SLC8A1: variants seen among roughly 807,000 people sequenced by gnomAD.
SLC8A1 encodes the protein solute carrier family 8 member A1.
A neutral mutation model predicts 68.3 loss-of-function variants in SLC8A1; 18 were observed. That is an observed-to-expected ratio of 0.26 (90% CI 0.18 to 0.39). SLC8A1 has a LOEUF of 0.39. Ranked by LOEUF, SLC8A1 falls within the 10% of genes least tolerant of loss-of-function variation. The pLI, the probability that SLC8A1 is intolerant of heterozygous loss-of-function variation, is 1.00. For missense variants in SLC8A1, 985 were observed against 1,156.7 expected, an observed-to-expected ratio of 0.85 and a Z score of 2.15; for synonymous variants, 475 against 415.5, an observed-to-expected ratio of 1.14 and a Z score of -1.74.
chr2:40,343,407 A>G (rs1668310123), intron 2 of SLC8A1, among the ~76,000 whole-genome samples: 1 of 152,100 alleles, frequency 6.6e-6, no homozygotes, highest in South Asian at 2.1e-4. Flanking sequence ...TGGAATTCTA[A>G]GAAGTCACTT....
At chr2:40,331,718 C>T (rs576201544) in intron 2 of SLC8A1, among the ~76,000 whole-genome samples, 2 of 151,928 alleles carry the variant, frequency 1.3e-5, no homozygotes, top group African/African-American at 2.4e-5. Context: ...CTTAGCCTAC[C>T]GAGTAGCTGG....
At chr2:40,215,404 G>A (rs918997655) in intron 2 of SLC8A1, among the ~76,000 whole-genome samples, 4 of 152,044 alleles carry the variant, frequency 2.6e-5, no homozygotes, top group South Asian at 4.1e-4. Context: ...TTGGGAGGCC[G>A]AGGCGGGTGG....
chr2:40,412,822 AT>A (rs1331520139), intron 2 of SLC8A1, among the ~76,000 whole-genome samples: 1 of 152,168 alleles, frequency 6.6e-6, no homozygotes, highest in Admixed American at 6.6e-5. Flanking sequence ...ATTGATGGAT[AT>A]TTTTGGTATT....
chr2:40,415,548 C>G (rs1473922829), intron 2 of SLC8A1, among the ~76,000 whole-genome samples: 1 of 152,218 alleles, frequency 6.6e-6, no homozygotes, highest in Non-Finnish European at 1.5e-5. Flanking sequence ...CTATCTGTCT[C>G]CATTCCAGCA....
chr2:40,150,879 C>G (rs1259136622), intron 6 of SLC8A1, among the ~76,000 whole-genome samples: 2 of 152,120 alleles, frequency 1.3e-5, no homozygotes, highest in Admixed American at 1.3e-4. Flanking sequence ...CTACCTGATT[C>G]AACATTTTCT....
Position 40,390,720 on chromosome 2 carries a change from A to G in SLC8A1, c.1808+37753T>C, listed in dbSNP as rs528220045. ...GGCTTCTGCCATGTTTTTTTTAACA[A>G]CCCGATATGTAACTTTTGTCCCAGC... On this transcript the variant is annotated intron_variant, in intron 2 of 7. Coordinates refer to ENST00000406785, the Ensembl canonical transcript of SLC8A1. Among the ~76,000 whole-genome samples the G allele has an allele frequency of 2.3e-4, 35 of 152,202 alleles. 2 individuals are homozygous for G. The highest frequency in any genetic ancestry group is 8.2e-4 in the African/African-American group (34 of 41,556).
At chr2:40,385,437 A>G (rs10189274) in intron 2 of SLC8A1, among the ~76,000 whole-genome samples, 110,191 of 150,730 alleles carry the variant, frequency 0.73, 41,780 homozygotes, top group African/African-American at 0.93. Flanking sequence ...CATTTTTCAA[A>G]GTATCTGTTT....
upstream of SLC8A1, among the ~76,000 whole-genome samples, chr2:40,456,546 AT>A (rs368487168): frequency 1.3e-3 from 197 of 152,238 alleles, 2 homozygotes; most frequent in African/African-American, 4.5e-3. Context: ...TCTGTGTTAG[AT>A]TTTTCAGATC....
chr2:40,196,123 G>C (rs1332741109), intron 2 of SLC8A1, among the ~76,000 whole-genome samples: 1 of 151,856 alleles, frequency 6.6e-6, no homozygotes, highest in African/African-American at 2.4e-5. Flanking sequence ...GTCACAGTTT[G>C]GGCTGAGAGG....
At chr2:40,351,815 G>T (rs531985740) in intron 2 of SLC8A1, among the ~76,000 whole-genome samples, 2 of 152,252 alleles carry the variant, frequency 1.3e-5, no homozygotes, top group South Asian at 4.1e-4. Flanking sequence ...AGGAATGAAA[G>T]ATTCAAACCA....
intron 7 of SLC8A1, among the ~76,000 whole-genome samples, chr2:40,117,247 C>G (rs2125079704): frequency 6.6e-6 from 1 of 151,962 alleles, no homozygotes; most frequent in Admixed American, 6.6e-5. Flanking sequence ...ATTATGCCTA[C>G]TTACATCAAA....
At chr2:40,328,493 T>C (rs2076078834) in intron 2 of SLC8A1, among the ~76,000 whole-genome samples, 1 of 152,182 alleles carries the variant, frequency 6.6e-6, no homozygotes, top group African/African-American at 2.4e-5. Flanking sequence ...TTTCTGTAGG[T>C]AATGTCACCT....
intron 6 of SLC8A1, among the ~76,000 whole-genome samples, chr2:40,158,308 A>G (rs2044984348): frequency 6.6e-6 from 1 of 152,208 alleles, no homozygotes; most frequent in Non-Finnish European, 1.5e-5. Flanking sequence ...AAATTTAATC[A>G]TAAAGACAAA....
At chr2:40,368,787 C>G (rs920675785) in intron 2 of SLC8A1, among the ~76,000 whole-genome samples, 1 of 151,752 alleles carries the variant, frequency 6.6e-6, no homozygotes, top group Non-Finnish European at 1.5e-5. Flanking sequence ...GACTTCAAAC[C>G]ATACTACAGG....
chr2:40,255,383 G>A (rs780430631), intron 2 of SLC8A1, among the ~76,000 whole-genome samples: 9 of 152,104 alleles, frequency 5.9e-5, no homozygotes, highest in Non-Finnish European at 8.8e-5. Flanking sequence ...ATGCCACCCA[G>A]CTATTGGACT....
chr2:40,266,502 T>A (rs150213918), intron 2 of SLC8A1, among the ~76,000 whole-genome samples: 3 of 152,202 alleles, frequency 2.0e-5, no homozygotes, highest in African/African-American at 7.2e-5. Flanking sequence ...ACCATTGGAA[T>A]GAGCTCTGCC....
At chr2:40,378,555 G>T (rs1199008008) in intron 2 of SLC8A1, among the ~76,000 whole-genome samples, 2 of 152,122 alleles carry the variant, frequency 1.3e-5, no homozygotes, top group Non-Finnish European at 2.9e-5. Context: ...GCAGAGGAGT[G>T]TCTGGGAAAA....
chr2:40,216,852 T>C lies in SLC8A1; in HGVS notation c.1809-38997A>G, dbSNP rs142217814. 8.7e-3 allele frequency among the ~76,000 whole-genome samples: 1,326 copies of C among 152,334 alleles called. 22 individuals are homozygous for C. The highest frequency in any genetic ancestry group is 0.03 in the African/African-American group (1,241 of 41,578). ...TCGCCCACTTTTTGATGGGGTTATTTTTTTCTTGTAAATTTGTTTACAATC... is the reference window on the plus strand; with the variant it reads ...TCGCCCACTTTTTGATGGGGTTATTCTTTTCTTGTAAATTTGTTTACAATC... On this transcript the variant is annotated intron_variant, in intron 2 of 7. Transcript: ENST00000406785.
At chr2:40,501,097 T>C (rs1399421509) in intron 1 of SLC8A1, among the ~76,000 whole-genome samples, 1 of 152,012 alleles carries the variant, frequency 6.6e-6, no homozygotes, top group African/African-American at 2.4e-5. Flanking sequence ...TTTGCTGCAT[T>C]TTTCTGTCTG....
Sources: allele counts gnomAD v4.1 joint callset (sites outside exome capture counted in the v4.1 genomes callset), GRCh38; gene constraint gnomAD v4.1.1; transcripts MANE v1.5; gene names NCBI Gene and HGNC (gene_info 2026-07-23, HGNC 2026-07-21).